The following ANP32A variants were observed in gnomAD, a reference collection of about 807,000 sequenced individuals.
The protein encoded by ANP32A is acidic leucine-rich nuclear phosphoprotein 32 family member A.
Under a neutral mutation model 33.9 loss-of-function variants are expected in ANP32A, and 1 was observed. That is an observed-to-expected ratio of 0.03 (90% CI 0.01 to 0.14). The LOEUF (loss-of-function observed/expected upper bound fraction) is 0.14. Ranked by LOEUF, ANP32A falls within the 10% of genes least tolerant of loss-of-function variation. ANP32A has a pLI of 1.00. For synonymous variants in ANP32A, 115 were observed against 120.5 expected (o/e 0.95, Z 0.30); for missense variants, 155 against 306.0 (o/e 0.51, Z 3.68).
At chr15:68,795,404 T>C (rs771194584) in intron 1 of ANP32A, among the ~76,000 whole-genome samples, 2 of 152,116 alleles carry the variant, frequency 1.3e-5, no homozygotes, top group African/African-American at 2.4e-5. Context: ...TCCTTATTAT[T>C]TTAGGGAGCC....
chr15:68,815,450 T>G (rs1037728669), intron 1 of ANP32A, among the ~76,000 whole-genome samples: 3 of 152,246 alleles, frequency 2.0e-5, no homozygotes, highest in African/African-American at 7.2e-5. Flanking sequence ...ACAAGTGGAT[T>G]TCTTATTTTT....
chr15:68,782,777 A>C, intron 5 of ANP32A, 179 bp downstream of exon 5: 1 of 1,171,132 alleles, frequency 8.5e-7, no homozygotes, highest in East Asian at 2.6e-5. Flanking sequence ...AGCTTACTGC[A>C]AGTCTTGTCT....
intron 5 of ANP32A, among the ~76,000 whole-genome samples, chr15:68,782,064 C>A (rs1468931299): frequency 6.6e-6 from 1 of 152,154 alleles, no homozygotes; most frequent in Non-Finnish European, 1.5e-5. Context: ...GGGACACAGG[C>A]GCCTTGTCCA....
At position 68,820,619 on chromosome 15, in the gene ANP32A, C is replaced by T. The variant is rs1243865217; in HGVS notation, c.54+79G>A. ...GGGCGCCCCCCCCCAAAAAAAGTGC[C>T]TCCCCCCAGCGCGCACACACACACA... On this transcript the variant is annotated intron_variant, in intron 1 of 6. Transcript: ENST00000465139. The T allele has an allele frequency of 5.9e-6, 4 of 677,058 alleles. No homozygotes were observed. In the African/African-American group the frequency reaches 1.5e-4, roughly 25 times the overall value. The allele number at this position is 677,058 out of a possible 1,614,324, so 41.9% of individuals were successfully genotyped here.
chr15:68,820,490 C>T (rs1411055110), intron 1 of ANP32A, among the ~76,000 whole-genome samples: 1 of 152,162 alleles, frequency 6.6e-6, no homozygotes, highest in African/African-American at 2.4e-5. Flanking sequence ...GGTAGTCACA[C>T]ACCAAGGGCA....
chr15:68,800,984 G>T (rs548927463), intron 1 of ANP32A, among the ~76,000 whole-genome samples: 1 of 44,886 alleles, frequency 2.2e-5, no homozygotes, highest in Non-Finnish European at 6.0e-5. Flanking sequence ...GGGTACGAGA[G>T]AATTTGTGGA....
chr15:68,784,611 T>G lies in ANP32A; in HGVS notation c.328-16A>C, dbSNP rs1272159082. On this transcript the variant is annotated splice_polypyrimidine_tract_variant and intron_variant, in intron 3 of 6. Transcript: ENST00000465139. ...CTAACTTTTTCTGCAAGCGGAAAAA[T>G]GAAGCCAACAGTAAGTGATTTGTGG... 6.2e-7 allele frequency: 1 copy of G among 1,613,704 alleles called. No individual in the cohort carries two copies. Among genetic ancestry groups the G allele is most frequent in the East Asian group, 2.2e-5 (1 of 44,882 alleles).
intron 1 of ANP32A, among the ~76,000 whole-genome samples, chr15:68,812,469 G>C (rs1353879498): frequency 6.6e-6 from 1 of 152,176 alleles, no homozygotes; most frequent in Non-Finnish European, 1.5e-5. Flanking sequence ...CTTATGCTGA[G>C]AAGGTTGGAG....
intron 1 of ANP32A, among the ~76,000 whole-genome samples, chr15:68,806,658 C>G (rs1051665158): frequency 6.6e-6 from 1 of 152,246 alleles, no homozygotes; most frequent in Non-Finnish European, 1.5e-5. Context: ...TGGCTTCAGG[C>G]CAACCTCTGC....
intron 3 of ANP32A, among the ~76,000 whole-genome samples, 196 bp from the exon 4 acceptor site, chr15:68,784,791 C>T (rs117369378): frequency 3.9e-5 from 6 of 152,232 alleles, no homozygotes; most frequent in African/African-American, 1.2e-4. Flanking sequence ...TGGGCCTCGG[C>T]GTCTCCATCT....
chr15:68,811,134 TTGGGA>T (rs1161195286), intron 1 of ANP32A, among the ~76,000 whole-genome samples: 8 of 150,422 alleles, frequency 5.3e-5, no homozygotes. Flanking sequence ...ATGAAGGCTG[TTGGGA>T]TTCTTGGCAC....
At chr15:68,816,164 T>G (rs946926296) in intron 1 of ANP32A, among the ~76,000 whole-genome samples, 1 of 152,180 alleles carries the variant, frequency 6.6e-6, no homozygotes, top group African/African-American at 2.4e-5. Context: ...ACTCTTCATT[T>G]CAGCGTCTTC....
At chr15:68,784,698 A>T in intron 3 of ANP32A, 103 bp from the exon 4 acceptor site, 1 of 1,301,442 alleles carries the variant, frequency 7.7e-7, no homozygotes, top group Non-Finnish European at 1.1e-6. Context: ...GCATGCGCAG[A>T]CCATGACTTC....
chr15:68,785,418 T>C (rs1244843446), intron 3 of ANP32A, among the ~76,000 whole-genome samples: 2 of 152,090 alleles, frequency 1.3e-5, no homozygotes, highest in Non-Finnish European at 2.9e-5. Flanking sequence ...TCACCCACCT[T>C]TGAGGCACCA....
intron 1 of ANP32A, among the ~76,000 whole-genome samples, chr15:68,813,344 A>G (rs1894337342): frequency 6.6e-6 from 1 of 152,224 alleles, no homozygotes; most frequent in Admixed American, 6.5e-5. Context: ...CATGTCTGAG[A>G]AGGTGGCTCA....
intron 1 of ANP32A, chr15:68,792,320 C>CAG (rs1894008228): frequency 6.6e-6 from 1 of 152,130 alleles, no homozygotes; most frequent in Non-Finnish European, 1.5e-5. Flanking sequence ...AGAAGCTTTT[C>CAG]CAACACCCCA....
At chr15:68,781,909 G>A (rs1009978665) in intron 5 of ANP32A, among the ~76,000 whole-genome samples, 1 of 152,136 alleles carries the variant, frequency 6.6e-6, no homozygotes, top group Non-Finnish European at 1.5e-5. Context: ...TGGCCTCCGC[G>A]ATTCTATTGT....
rs1596063316 is a variant in ANP32A at position 68,783,046 on chromosome 15, C to T, written c.534G>A (p.Glu178=). 6.4e-7 allele frequency: 1 copy of T among 1,551,840 alleles called. No individual in the cohort carries two copies. The change falls in exon 5 of 7, where the codon GAG becomes GAA. Residue 178 remains glutamate (E), a synonymous_variant. Coordinates refer to ENST00000465139, the MANE Select transcript of ANP32A (RefSeq NM_006305.4). ...CCACTACCTGAGCATCTTCATCATACTCCTCCTCTGTGCAATCGAAATGGG... is the reference window on the plus strand; with the variant it reads ...CCACTACCTGAGCATCTTCATCATATTCCTCCTCTGTGCAATCGAAATGGG... ...DDEEEDEDEE[E]YDEDAQVVED... is the part of the protein sequence containing the mutation.
Position 68,799,502 on chromosome 15 carries a change from A to G in ANP32A, c.55-11583T>C, listed in dbSNP as rs190072826. ...ATGCTAAAAAACAAAAACAAACCCC[A>G]AACCAAAAAACTATGAAGAGAGTCA... On this transcript the variant is annotated intron_variant, in intron 1 of 6. Coordinates refer to ENST00000465139, the MANE Select transcript of ANP32A (RefSeq NM_006305.4). Among the ~76,000 whole-genome samples, 603 of 152,354 alleles carry G rather than the reference A, an allele frequency of 4.0e-3. 4 individuals carry two copies. Among genetic ancestry groups the G allele is most frequent in the African/African-American group, 0.014 (572 of 41,580 alleles).
Sources: gnomAD v4.1 joint callset for allele counts (sites outside exome capture counted in the v4.1 genomes callset) on GRCh38, gnomAD v4.1.1 for gene constraint, MANE v1.5 for transcripts, NCBI Gene and HGNC (gene_info 2026-07-23, HGNC 2026-07-21) for gene names.